EIF4G3: variants seen among roughly 807,000 people sequenced by gnomAD.
EIF4G3 encodes eukaryotic translation initiation factor 4 gamma 3.
In EIF4G3, 34 loss-of-function variants were observed where a neutral mutation model predicts 186.4. The ratio of observed to expected loss-of-function variants is 0.18; its 90% CI spans 0.14 to 0.24. The LOEUF (loss-of-function observed/expected upper bound fraction) is 0.24. Among genes scored for constraint, EIF4G3 ranks in the 10% least tolerant of loss-of-function variants. The pLI, the probability that EIF4G3 is intolerant of heterozygous loss-of-function variation, is 1.00. For missense variants in EIF4G3, 1,536 were observed against 1,948.5 expected (o/e 0.79, Z 3.99); for synonymous variants, 673 against 679.5 (o/e 0.99, Z 0.15).
At chr1:21,133,198 G>C (rs993677751) in intron 2 of EIF4G3, among the ~76,000 whole-genome samples, 1 of 151,966 alleles carries the variant, frequency 6.6e-6, no homozygotes, top group Non-Finnish European at 1.5e-5. Context: ...AGATAGGGCT[G>C]GGTTCAAGCA....
chr1:21,136,259 C>T (rs1460517674), intron 2 of EIF4G3, among the ~76,000 whole-genome samples: 2 of 151,398 alleles, frequency 1.3e-5, no homozygotes, highest in African/African-American at 4.9e-5. Context: ...TGGCTCACGC[C>T]TGTAATCCCA....
At chr1:21,031,664 G>T (rs1025518949) in intron 4 of EIF4G3, among the ~76,000 whole-genome samples, 9 of 152,194 alleles carry the variant, frequency 5.9e-5, no homozygotes, top group African/African-American at 2.2e-4. Flanking sequence ...AAAAAGTCCA[G>T]TAACAGGATG....
At position 20,958,235 on chromosome 1, in the gene EIF4G3, T is replaced by C. The variant is rs188414765; in HGVS notation, c.715-8124A>G. On this transcript the variant is annotated intron_variant, in intron 12 of 36. Transcript: ENST00000602326. The stretch of plus-strand genomic sequence containing the variant: ...GGGTTTTATTTCAAGGATGCAGAGA[T>C]GGTTTAACATATGTAAGTCAATAAA... 2.0e-5 allele frequency among the ~76,000 whole-genome samples: 3 copies of C among 152,242 alleles called. No individual in the cohort carries two copies. The East Asian group carries it at 5.8e-4, about 29-fold the overall frequency.
chr1:20,811,122 T>C (rs1052641113), intron 35 of EIF4G3, among the ~76,000 whole-genome samples: 4 of 151,508 alleles, frequency 2.6e-5, no homozygotes, highest in Admixed American at 1.3e-4. Context: ...ACTAATTTTT[T>C]TGTGTATTTT....
At chr1:20,939,829 C>T (rs977007103) in intron 14 of EIF4G3, among the ~76,000 whole-genome samples, 10 of 151,292 alleles carry the variant, frequency 6.6e-5, no homozygotes, top group East Asian at 5.8e-4. Context: ...TACAGCCACA[C>T]CAACACCAAG....
chr1:21,023,405 ATTG>A (rs1454872954), intron 4 of EIF4G3, among the ~76,000 whole-genome samples: 1 of 143,708 alleles, frequency 7.0e-6, no homozygotes, highest in African/African-American at 2.5e-5. Context: ...AGTGCCTGCG[ATTG>A]CAGGCACGCG....
intron 4 of EIF4G3, among the ~76,000 whole-genome samples, chr1:21,010,360 C>T (rs1409440111): frequency 2.2e-5 from 3 of 139,306 alleles, no homozygotes; most frequent in Non-Finnish European, 4.5e-5. Context: ...GCGAAGGTTG[C>T]AGTAAGCTGA....
intron 3 of EIF4G3, 117 bp from the exon 4 acceptor site, chr1:21,051,111 A>C: frequency 1.6e-6 from 1 of 638,118 alleles, no homozygotes; most frequent in South Asian, 1.8e-5. Context: ...CACTAAAATA[A>C]GCACGAGACT....
intron 12 of EIF4G3, among the ~76,000 whole-genome samples, chr1:20,951,114 T>A (rs1405824168): frequency 6.6e-6 from 1 of 151,724 alleles, no homozygotes; most frequent in Non-Finnish European, 1.5e-5. Context: ...GATTAAGATG[T>A]GGGTGAGTGT....
intron 3 of EIF4G3, among the ~76,000 whole-genome samples, chr1:21,063,057 T>C (rs11579992): frequency 0.034 from 5,157 of 152,232 alleles, 293 homozygotes; most frequent in African/African-American, 0.12. Flanking sequence ...ATATATTTAT[T>C]TTTTTAATTT....
chr1:21,046,616 CAGA>C (rs1463317567), intron 4 of EIF4G3, among the ~76,000 whole-genome samples: 2 of 152,170 alleles, frequency 1.3e-5, no homozygotes, highest in Non-Finnish European at 2.9e-5. Context: ...ATTTAATTCA[CAGA>C]AGAAGGGGAG....
At chr1:21,116,363 T>G (rs541356699) in intron 2 of EIF4G3, among the ~76,000 whole-genome samples, 1 of 152,288 alleles carries the variant, frequency 6.6e-6, no homozygotes, top group South Asian at 2.1e-4. Context: ...AAGTTCTATT[T>G]GATACTTTCC....
At chr1:20,895,323 A>G (rs1361183266) in intron 17 of EIF4G3, 45 bp downstream of exon 17, 4 of 1,587,618 alleles carry the variant, frequency 2.5e-6, no homozygotes, top group African/African-American at 1.4e-5. Flanking sequence ...AGTTAAAATC[A>G]GTTCCCACCA....
intron 4 of EIF4G3, among the ~76,000 whole-genome samples, chr1:21,031,314 T>C (rs2092721244): frequency 7.3e-6 from 1 of 137,008 alleles, no homozygotes; most frequent in Non-Finnish European, 1.6e-5. Context: ...AACAGAAAAG[T>C]AAATTATGAG....
intron 2 of EIF4G3, among the ~76,000 whole-genome samples, chr1:21,119,714 T>C (rs2096893712): frequency 6.6e-6 from 1 of 152,284 alleles, no homozygotes; most frequent in African/African-American, 2.4e-5. Flanking sequence ...ACTGAATTAT[T>C]GTTAAAGAAA....
chr1:21,004,982 G>A (rs2084637288), intron 4 of EIF4G3, among the ~76,000 whole-genome samples: 1 of 151,810 alleles, frequency 6.6e-6, no homozygotes, highest in African/African-American at 2.4e-5. Context: ...TAAAAATATG[G>A]CAGCAAAGTA....
chr1:21,109,113 T>C (rs184429872), intron 2 of EIF4G3, among the ~76,000 whole-genome samples: 2 of 150,996 alleles, frequency 1.3e-5, no homozygotes, highest in East Asian at 3.9e-4. Flanking sequence ...AGCTACTCAG[T>C]AGGCTGACGC....
At chr1:21,116,754 G>A (rs374556672) in intron 2 of EIF4G3, among the ~76,000 whole-genome samples, 2 of 150,552 alleles carry the variant, frequency 1.3e-5, no homozygotes, top group Admixed American at 6.7e-5. Flanking sequence ...CAGGAGAAAC[G>A]CTTGAACCCA....
intron 14 of EIF4G3, among the ~76,000 whole-genome samples, chr1:20,916,999 A>G (rs952583560): frequency 4.6e-5 from 7 of 152,248 alleles, no homozygotes; most frequent in Non-Finnish European, 7.3e-5. Context: ...ATATTCACCC[A>G]AGAAAAATGA....
Sources: allele counts gnomAD v4.1 joint callset (sites outside exome capture counted in the v4.1 genomes callset), GRCh38; gene constraint gnomAD v4.1.1; transcripts MANE v1.5; gene names NCBI Gene and HGNC (gene_info 2026-07-23, HGNC 2026-07-21).